The following PRKN variants were observed in gnomAD, a reference collection of about 807,000 sequenced individuals.
The protein encoded by PRKN is E3 ubiquitin-protein ligase parkin.
PRKN carries 56 observed loss-of-function variants against 59.5 expected under a neutral mutation model. The observed-to-expected ratio is 0.94, with a 90% CI of 0.76 to 1.18. The LOEUF (loss-of-function observed/expected upper bound fraction) is 1.18. PRKN is among the 50% of genes most tolerant of loss of function. The pLI, the probability that PRKN is intolerant of heterozygous loss-of-function variation, is 0.00. For missense variants in PRKN, 657 were observed against 596.4 expected (o/e 1.10, Z -1.06); for synonymous variants, 250 against 222.1 (o/e 1.13, Z -1.12).
chr6:162,504,511 T>C (rs1030213554), intron 1 of PRKN, among the ~76,000 whole-genome samples: 6 of 152,190 alleles, frequency 3.9e-5, no homozygotes, highest in Non-Finnish European at 7.3e-5. Context: ...AAGCCCTACA[T>C]AGATATGACA....
chr6:161,898,399 C>T (rs1159180057), intron 6 of PRKN, among the ~76,000 whole-genome samples: 2 of 152,172 alleles, frequency 1.3e-5, no homozygotes, highest in Non-Finnish European at 2.9e-5. Context: ...CTGTATATTG[C>T]TTTACACTGT....
intron 1 of PRKN, among the ~76,000 whole-genome samples, chr6:162,572,125 G>C (rs9356050): frequency 6.6e-6 from 1 of 151,850 alleles, no homozygotes; most frequent in Non-Finnish European, 1.5e-5. Context: ...ACCCCCTTTA[G>C]GTACTGTCTC....
At chr6:162,170,051 G>A (rs1244902164) in intron 4 of PRKN, among the ~76,000 whole-genome samples, 2 of 152,084 alleles carry the variant, frequency 1.3e-5, no homozygotes, top group South Asian at 4.2e-4. Context: ...ATACATTTTC[G>A]TGTGAGCTTT....
At chr6:162,587,182 G>A (rs1418216969) in intron 1 of PRKN, among the ~76,000 whole-genome samples, 6 of 151,984 alleles carry the variant, frequency 3.9e-5, no homozygotes, top group East Asian at 1.9e-4. Flanking sequence ...TGTTACCCAC[G>A]CTGGAGTACA....
chr6:161,836,932 T>A (rs1340158731), intron 6 of PRKN, among the ~76,000 whole-genome samples: 1 of 152,094 alleles, frequency 6.6e-6, no homozygotes, highest in African/African-American at 2.4e-5. Flanking sequence ...AAAACATCAG[T>A]TTGCATTTGG....
intron 1 of PRKN, among the ~76,000 whole-genome samples, chr6:162,677,294 GCAAGGGCAGTT>G (rs1253000502): frequency 6.6e-6 from 1 of 151,670 alleles, no homozygotes; most frequent in Non-Finnish European, 1.5e-5. Context: ...AGACAGACGG[GCAAGGGCAGTT>G]CAAGGACCAT....
rs932646908 is a variant in PRKN, at chr6:162,239,879, C to A, written c.412+22646G>T. 4.6e-4 allele frequency among the ~76,000 whole-genome samples: 70 copies of A among 152,016 alleles called. 1 individual carries two copies. The highest frequency in any genetic ancestry group is 1.5e-3 in the African/African-American group (64 of 41,474). Reference sequence around the variant, plus strand: ...CTTAGCTGTCTTAAAACAATAAAGCCAAAACAAAAATAAAACAATAACCCA... The same window carrying A: ...CTTAGCTGTCTTAAAACAATAAAGCAAAAACAAAAATAAAACAATAACCCA... On this transcript the variant is annotated intron_variant, in intron 3 of 11. Coordinates refer to ENST00000366898, the MANE Select transcript of PRKN (RefSeq NM_004562.3).
chr6:162,479,446 C>CT, intron 1 of PRKN, among the ~76,000 whole-genome samples: 1 of 152,094 alleles, frequency 6.6e-6, no homozygotes, highest in East Asian at 1.9e-4. Context: ...CCAGGCTGGT[C>CT]TTGAACTCCG....
At chr6:162,675,304 C>G (rs965075765) in intron 1 of PRKN, among the ~76,000 whole-genome samples, 6 of 152,102 alleles carry the variant, frequency 3.9e-5, no homozygotes, top group African/African-American at 1.4e-4. Flanking sequence ...CCGCCTCGGC[C>G]TCCCAAAGTG....
At chr6:162,548,455 G>A (rs1239634001) in intron 1 of PRKN, among the ~76,000 whole-genome samples, 2 of 151,844 alleles carry the variant, frequency 1.3e-5, no homozygotes, top group African/African-American at 4.9e-5. Flanking sequence ...AACATCAAAC[G>A]CAAAGATCAG....
chr6:162,655,362 T>C (rs905711414), intron 1 of PRKN, among the ~76,000 whole-genome samples: 7 of 152,210 alleles, frequency 4.6e-5, no homozygotes, highest in Admixed American at 6.5e-5. Flanking sequence ...GTAGGGATTT[T>C]TGCCTCCAGA....
chr6:161,624,549 C>A (rs542578024), intron 7 of PRKN, among the ~76,000 whole-genome samples: 2 of 152,124 alleles, frequency 1.3e-5, no homozygotes, highest in Non-Finnish European at 1.5e-5. Flanking sequence ...AAGGCAACAA[C>A]AACAAAAAAA....
chr6:162,351,631 T>A (rs991706295), intron 2 of PRKN, among the ~76,000 whole-genome samples: 3 of 152,180 alleles, frequency 2.0e-5, no homozygotes, highest in Non-Finnish European at 4.4e-5. Context: ...CAGCTTTACA[T>A]GTACTCGTCA....
chr6:161,616,853 A>C (rs1162474381), intron 7 of PRKN, among the ~76,000 whole-genome samples: 1 of 147,498 alleles, frequency 6.8e-6, no homozygotes, highest in Non-Finnish European at 1.5e-5. Context: ...TATTGTGAAC[A>C]GTGCTGTAGT....
Position 161,483,378 on chromosome 6 carries a change from T to A in PRKN, c.1083+65476A>T, listed in dbSNP as rs570848936. Among the ~76,000 whole-genome samples, 2 of 152,234 alleles carry A rather than the reference T, an allele frequency of 1.3e-5. No individual in the cohort carries two copies. The highest frequency in any genetic ancestry group is 4.8e-5 in the African/African-American group (2 of 41,566). On this transcript the variant is annotated intron_variant, in intron 9 of 11. Transcript: ENST00000366898. The surrounding 1 kb of genome is among the most constrained non-coding windows in gnomAD (Gnocchi z 5.0). ...TCGGCTTCCCCCTGAAAATCCATGA[T>A]AAAGATTGAGCGTGGTTGAAAGGCT...
At position 161,546,181 on chromosome 6, in the gene PRKN, TAACTC is replaced by T. The variant is rs1266461825; in HGVS notation, c.1083+2668_1083+2672del. Among the ~76,000 whole-genome samples the T allele has an allele frequency of 6.6e-6, 1 of 152,232 alleles. No individual in the cohort carries two copies. The highest frequency in any genetic ancestry group is 2.4e-5 in the African/African-American group (1 of 41,460). ...ATTAAATATTAAATAAATCTGCACT[TAACTC>T]TGTGCCAGGAACTATTCTAAGTATT... On this transcript the variant is annotated intron_variant, in intron 9 of 11. Transcript: ENST00000366898. The surrounding 1 kb of genome is among the most constrained non-coding windows in gnomAD (Gnocchi z 4.4).
chr6:161,859,558 T>C (rs949307865), intron 6 of PRKN, among the ~76,000 whole-genome samples: 1 of 142,296 alleles, frequency 7.0e-6, no homozygotes, highest in Non-Finnish European at 1.5e-5. Context: ...TTTCAGTGAG[T>C]TGAGATCATG....
intron 4 of PRKN, among the ~76,000 whole-genome samples, chr6:162,079,383 T>C (rs979756662): frequency 6.6e-6 from 1 of 152,138 alleles, no homozygotes; most frequent in Admixed American, 6.5e-5. Context: ...TTCTTGTAAT[T>C]TGTAAATCGG....
chr6:161,405,623 T>A lies in PRKN; in HGVS notation c.1084-18746A>T, dbSNP rs1562425182. ...TAAAAATTAAAAATAAATAAATAAA[T>A]AAATAAATAAATAAATAAATAAATA... On this transcript the variant is annotated intron_variant, in intron 9 of 11. Coordinates refer to ENST00000366898, the MANE Select transcript of PRKN (RefSeq NM_004562.3). This position sits in a 1 kb window ranked among gnomAD's most constrained non-coding sequence, Gnocchi z 5.1. Among the ~76,000 whole-genome samples the A allele has an allele frequency of 7.3e-6, 1 of 136,260 alleles. No individual in the cohort carries two copies. The highest frequency in any genetic ancestry group is 1.6e-5 in the Non-Finnish European group (1 of 60,826). 89.4% of individuals were successfully genotyped at this position (136,260 alleles called of 152,430 possible).
Sources: allele counts gnomAD v4.1 joint callset (sites outside exome capture counted in the v4.1 genomes callset), GRCh38; gene constraint gnomAD v4.1.1; non-coding constraint Gnocchi (gnomAD v3.1); transcripts MANE v1.5; gene names NCBI Gene and HGNC (gene_info 2026-07-23, HGNC 2026-07-21).